Variants in DGKQ observed in about 807,000 individuals in gnomAD.
DGKQ encodes the protein diacylglycerol kinase theta.
DGKQ carries 97 observed loss-of-function variants against 104.2 expected under a neutral mutation model. That is an observed-to-expected ratio of 0.93 (90% confidence interval 0.79 to 1.10). The LOEUF is 1.10. Among genes scored for constraint, DGKQ ranks in the 50% least tolerant of loss-of-function variants. The pLI is 0.00. For synonymous variants in DGKQ, 736 were observed against 595.2 expected, an observed-to-expected ratio of 1.24 and a Z score of -3.44; for missense variants, 1,465 against 1,352.1, an observed-to-expected ratio of 1.08 and a Z score of -1.31.
Position 965,260 on chromosome 4 carries a change from C to T in DGKQ, c.1650G>A (p.Ala550=), listed in dbSNP as rs1317466136. The change falls in exon 15 of 23, where the codon GCG becomes GCA. Residue 550 remains alanine (A), a synonymous_variant. Coordinates refer to ENST00000273814, the MANE Select transcript of DGKQ (RefSeq NM_001347.4). The part of the protein sequence containing the change: ...GAVVLDVACF[A]EAERLYMLLK... The stretch of plus-strand genomic sequence containing the variant: ...GCAGCATGTACAGCCGCTCGGCCTC[C>T]GCAAAGCAGGCAACGTCCAACACTA... 7 of 1,612,716 alleles carry T rather than the reference C, an allele frequency of 4.3e-6. No homozygotes were observed. Among genetic ancestry groups the T allele is most frequent in the Admixed American group, 1.7e-5 (1 of 60,024 alleles).
rs768630297 is a variant in DGKQ at position 967,862 on chromosome 4, G to A, written c.811+18C>T. ...CGCAGCCCCCAGCCCAGGGCGCCCCGGCCGGCCCGCACCTCACCCGGCTCC... is the reference window on the plus strand; with the variant it reads ...CGCAGCCCCCAGCCCAGGGCGCCCCAGCCGGCCCGCACCTCACCCGGCTCC... On this transcript the variant is annotated intron_variant, in intron 6 of 22. Coordinates refer to ENST00000273814, the MANE Select transcript of DGKQ (RefSeq NM_001347.4). The A allele has an allele frequency of 8.8e-6, 13 of 1,476,104 alleles. 1 individual carries two copies. Among genetic ancestry groups the A allele is most frequent in the African/African-American group, 4.3e-5 (3 of 70,316 alleles). The allele number at this position is 1,476,104 out of a possible 1,614,324, so 91.4% of individuals were successfully genotyped here.
chr4:963,292 TGACA>T lies in DGKQ; in HGVS notation c.1735-6_1735-3del, dbSNP rs779004555. The stretch of plus-strand genomic sequence containing the variant: ...GCTGTCTGGGGGCAGCTTCGCGTGC[TGACA>T]GACAGGGGGCTGGGTTAGGATGGGG... On this transcript the variant is annotated splice_region_variant and splice_polypyrimidine_tract_variant and intron_variant, in intron 15 of 22. Transcript: ENST00000273814. 6.3e-6 allele frequency: 10 copies of T among 1,599,226 alleles called. No individual in the cohort carries two copies. Among genetic ancestry groups the T allele is most frequent in the Admixed American group, 1.7e-5 (1 of 59,444 alleles).
chr4:967,986 G>A lies in DGKQ; in HGVS notation c.705C>T (p.Gly235=), dbSNP rs748039776. The A allele has an allele frequency of 2.0e-5, 29 of 1,474,106 alleles. No individual in the cohort carries two copies. In the South Asian group the frequency reaches 3.3e-4, roughly 17 times the overall value. The allele number at this position is 1,474,106 out of a possible 1,614,324, so 91.3% of individuals were successfully genotyped here. A position where few individuals can be genotyped will look rare whatever the true frequency, so the allele number is the denominator to read the frequency against. The stretch of plus-strand genomic sequence containing the variant: ...GGACCAGGGAGCGCAGACGCCCGAA[G>A]CCACACTCGGGAGCCAGCGCCGCGG... ...LCSAALAPEC[G]FGRLRSLVLP... Residue 235 remains glycine (G), a synonymous_variant, in exon 6 of 23, where the codon GGC becomes GGT. Transcript: ENST00000273814.
chr4:961,578 GC>G lies in DGKQ; in HGVS notation c.2463-1del. 6.2e-7 allele frequency: 1 copy of G among 1,609,416 alleles called. No individual in the cohort carries two copies. ...CCCACAGGTCGGCCCCCGAGCCCCAGCTGCCGCATAAGAGAGCGGGCACAGA... is the reference window on the plus strand; with the variant it reads ...CCCACAGGTCGGCCCCCGAGCCCCAGTGCCGCATAAGAGAGCGGGCACAGA... On this transcript the variant is annotated splice_acceptor_variant, in intron 20 of 22. Transcript: ENST00000273814. LOFTEE classifies it high-confidence loss of function.
In DGKQ at chr4:971,502, G is replaced by A. The variant is rs943457303; in HGVS notation, c.272-430C>T. Among the ~76,000 whole-genome samples the A allele has an allele frequency of 6.6e-6, 1 of 152,158 alleles. No homozygotes were observed. Among genetic ancestry groups the A allele is most frequent in the Non-Finnish European group, 1.5e-5 (1 of 68,028 alleles). On this transcript the variant is annotated intron_variant, in intron 1 of 22. Coordinates refer to ENST00000273814, the MANE Select transcript of DGKQ (RefSeq NM_001347.4). This position sits in a 1 kb window ranked among gnomAD's most constrained non-coding sequence, Gnocchi z 4.0. Reference sequence around the variant, plus strand: ...CCCGAAACTACGCATACCCCTAATTGTCCCTGCTACGTGCTGTGCACCGTG... The same window carrying A: ...CCCGAAACTACGCATACCCCTAATTATCCCTGCTACGTGCTGTGCACCGTG...
chr4:961,726 C>T lies in DGKQ; in HGVS notation c.2424G>A (p.Leu808=). ...RLQVERQEVE[L]PSIEGLIFIN... ...TGAAGATGAGGCCTTCAATACTGGG[C>T]AGCTCCACCTCCTGCCGCTCCACCT... Residue 808 remains leucine, a synonymous_variant, in exon 20 of 23, where the codon CTG becomes CTA. Transcript: ENST00000273814. 6.2e-7 allele frequency: 1 copy of T among 1,612,692 alleles called. No homozygotes were observed. Among genetic ancestry groups the T allele is most frequent in the Non-Finnish European group, 8.5e-7 (1 of 1,179,926 alleles).
At chr4:967,528 C>T in intron 8 of DGKQ, 21 bp downstream of exon 8, 2 of 1,606,356 alleles carry the variant, frequency 1.2e-6, no homozygotes, top group Non-Finnish European at 8.5e-7. Context: ...GGGCTCAGAC[C>T]TCCCCCAGCC....
chr4:962,001 G>A lies in DGKQ; in HGVS notation c.2296C>T (p.Pro766Ser), dbSNP rs1406966294. 2 of 1,613,016 alleles carry A rather than the reference G, an allele frequency of 1.2e-6. No individual in the cohort carries two copies. The highest frequency in any genetic ancestry group is 1.7e-6 in the Non-Finnish European group (2 of 1,179,944). Reference protein sequence around the residue: ...LDFHQAREEEPGKFTSRLHNK... With the variant: ...LDFHQAREEESGKFTSRLHNK... ...CGGTACCTGCTTGTGAACTTGCCAG[G>A]CTCCTCTTCCCGTGCCTGGTGGAAG... The change falls in exon 19 of 23, where the codon CCT (proline) becomes TCT (serine). Residue 766 changes from proline to serine, a missense_variant. By Grantham distance (74) the Pro-to-Ser change is moderately conservative (BLOSUM62 -1). Transcript: ENST00000273814.
intron 18 of DGKQ, 71 bp from the exon 19 acceptor site, chr4:962,153 T>A: frequency 7.3e-7 from 1 of 1,365,364 alleles, no homozygotes; most frequent in Non-Finnish European, 1.0e-6. Flanking sequence ...CCAACAGCTC[T>A]GCCGGCAGGC....
At chr4:961,608 G>T in intron 20 of DGKQ, 30 bp from the exon 21 acceptor site, 1 of 1,610,140 alleles carries the variant, frequency 6.2e-7, no homozygotes, top group African/African-American at 1.3e-5. Flanking sequence ...GCACAGAGGT[G>T]TAGGTGCAGG....
rs1287844294 is a variant in DGKQ, at chr4:961,065, G to A, written c.2711C>T (p.Ser904Leu). 5.0e-6 allele frequency: 8 copies of A among 1,612,302 alleles called. No homozygotes were observed. Among genetic ancestry groups the A allele is most frequent in the Non-Finnish European group, 5.9e-6 (7 of 1,179,658 alleles). ...WVQAPGHMII[S>L]AAGPKVHMLR... ...CCCACATACCTTAGGGCCAGCAGCTGAGATGATCATGTGCCCCGGGGCCTG... is the reference window on the plus strand; with the variant it reads ...CCCACATACCTTAGGGCCAGCAGCTAAGATGATCATGTGCCCCGGGGCCTG... The change falls in exon 22 of 23, where the codon TCA (serine) becomes TTA (leucine). Residue 904 changes from serine to leucine, a missense_variant. Physicochemically the swap from Ser to Leu is moderately radical, Grantham distance 145. Coordinates refer to ENST00000273814, the MANE Select transcript of DGKQ (RefSeq NM_001347.4).
In DGKQ at chr4:968,882, C is replaced by CG. The variant is rs761931455; in HGVS notation, c.379dup (p.Arg127ProfsTer27). On this transcript the variant is annotated frameshift_variant, in exon 3 of 23. Transcript: ENST00000273814. LOFTEE classifies it high-confidence loss of function. ...ACAGAACTTGCGCTTGTGGAGCCCC[C>CG]GGGGGCCGAAGCAGTGGGCTACAGG... 2 of 1,600,266 alleles carry CG rather than the reference C, an allele frequency of 1.2e-6. No individual in the cohort carries two copies. The highest frequency in any genetic ancestry group is 1.7e-6 in the Non-Finnish European group (2 of 1,171,750).
chr4:961,724 G>A lies in DGKQ; in HGVS notation c.2426C>T (p.Pro809Leu), dbSNP rs368817594. 6.2e-7 allele frequency: 1 copy of A among 1,612,666 alleles called. No homozygotes were observed. The highest frequency in any genetic ancestry group is 1.3e-5 in the African/African-American group (1 of 75,022). The change falls in exon 20 of 23, where the codon CCC becomes CTC. Residue 809 changes from proline to leucine, a missense_variant. By Grantham distance (98) the Pro-to-Leu change is moderately conservative. Coordinates refer to ENST00000273814, the MANE Select transcript of DGKQ (RefSeq NM_001347.4). Reference sequence around the variant, plus strand: ...GATGAAGATGAGGCCTTCAATACTGGGCAGCTCCACCTCCTGCCGCTCCAC... The same window carrying A: ...GATGAAGATGAGGCCTTCAATACTGAGCAGCTCCACCTCCTGCCGCTCCAC... ...LQVERQEVEL[P>L]SIEGLIFINI...
intron 2 of DGKQ, among the ~76,000 whole-genome samples, chr4:969,687 G>C (rs1435290925): frequency 6.7e-6 from 1 of 149,384 alleles, no homozygotes; most frequent in Non-Finnish European, 1.5e-5. Context: ...TCGGCTCACT[G>C]CAAGCTCCGC....
rs140410040 is a variant in DGKQ at position 966,522 on chromosome 4, G to A, written c.1372C>T (p.Arg458Trp). Residue 458 changes from arginine (R) to tryptophan (W), a missense_variant, in exon 12 of 23, where the codon CGG becomes TGG. Transcript: ENST00000273814. ...GGCTGTTCGTCCATCAGCATCGTCCGCTGGACTGCAGAGGTGAGGGCACAG... is the reference window on the plus strand; with the variant it reads ...GGCTGTTCGTCCATCAGCATCGTCCACTGGACTGCAGAGGTGAGGGCACAG... ...EVAMGCRHVQ[R>W]TMLMDEQPLL... The A allele has an allele frequency of 5.8e-5, 93 of 1,612,118 alleles. No homozygotes were observed. The African/African-American group carries it at 1.0e-3, about 17-fold the overall frequency.
At chr4:968,741 G>A in intron 3 of DGKQ, 70 bp downstream of exon 3, 1 of 1,454,444 alleles carries the variant, frequency 6.9e-7, no homozygotes, top group Admixed American at 2.0e-5. Flanking sequence ...TGCACAGCAG[G>A]GGTGGGCTGG....
chr4:962,853 A>G lies in DGKQ; in HGVS notation c.1954T>C (p.Trp652Arg), dbSNP rs1711992134. Reference sequence around the variant, plus strand: ...GTCTCCTCCAGGGCGCCAAGCACCCAGCCCACAGTGCCATCGCCACCACAC... The same window carrying G: ...GTCTCCTCCAGGGCGCCAAGCACCCGGCCCACAGTGCCATCGCCACCACAC... ...LVCGGDGTVG[W>R]VLGALEETRY... is the part of the protein sequence containing the mutation. Residue 652 changes from tryptophan (W) to arginine (R), a missense_variant, in exon 17 of 23, where the codon TGG becomes CGG. Coordinates refer to ENST00000273814, the MANE Select transcript of DGKQ (RefSeq NM_001347.4). 2 of 1,608,274 alleles carry G rather than the reference A, an allele frequency of 1.2e-6. No homozygotes were observed. The highest frequency in any genetic ancestry group is 1.7e-6 in the Non-Finnish European group (2 of 1,178,146).
intron 21 of DGKQ, 61 bp from the exon 22 acceptor site, chr4:961,262 C>A (rs1372039378): frequency 2.5e-5 from 35 of 1,377,214 alleles, no homozygotes; most frequent in Non-Finnish European, 3.3e-5. Flanking sequence ...GCTGACCTGG[C>A]CCTGGGGCGG....
chr4:962,987 C>T, intron 16 of DGKQ, 67 bp from the exon 17 acceptor site: 1 of 1,544,828 alleles, frequency 6.5e-7, no homozygotes, highest in Non-Finnish European at 8.7e-7. Flanking sequence ...CAGGCTGCCT[C>T]TTCCAAGTGC....
Sources: gnomAD v4.1 joint callset for allele counts (sites outside exome capture counted in the v4.1 genomes callset) on GRCh38, gnomAD v4.1.1 for gene constraint, Gnocchi (gnomAD v3.1) non-coding constraint, MANE v1.5 for transcripts, NCBI Gene and HGNC (gene_info 2026-07-23, HGNC 2026-07-21) for gene names.